HOMEZ: variants seen among roughly 807,000 people sequenced by gnomAD.
HOMEZ encodes homeobox and leucine zipper encoding, also known as homeobox and leucine zipper protein Homez.
In HOMEZ, 20 loss-of-function variants were observed where a neutral mutation model predicts 50.1. The observed-to-expected ratio is 0.40, with a 90% CI of 0.28 to 0.58. The LOEUF (loss-of-function observed/expected upper bound fraction) is 0.58, where lower values mean the gene tolerates loss of function less well. Ranked by LOEUF, HOMEZ falls within the 20% of genes least tolerant of loss-of-function variation. The pLI is 0.46. For synonymous variants in HOMEZ, 239 were observed against 254.7 expected, an observed-to-expected ratio of 0.94 and a Z score of 0.59; for missense variants, 579 against 680.5, an observed-to-expected ratio of 0.85 and a Z score of 1.66.
chr14:23,284,632 G>C (rs1489189971), intron 1 of HOMEZ, among the ~76,000 whole-genome samples: 1 of 152,106 alleles, frequency 6.6e-6, no homozygotes, highest in Admixed American at 6.5e-5. Flanking sequence ...GTTTCTTCAG[G>C]AATACTGATT....
chr14:23,275,493 T>C lies in HOMEZ; in HGVS notation c.*82A>G. On this transcript the variant is annotated 3_prime_UTR_variant, in exon 2 of 2. Coordinates refer to ENST00000357460, the MANE Select transcript of HOMEZ (RefSeq NM_020834.3). Reference sequence around the variant, plus strand: ...TTAGTTCTCTGCCACAAGGTAATTTTAAAAATGTGGTTTCTTTGTTTAAAC... The same window carrying C: ...TTAGTTCTCTGCCACAAGGTAATTTCAAAAATGTGGTTTCTTTGTTTAAAC... 1 of 1,461,004 alleles carries C rather than the reference T, an allele frequency of 6.8e-7. No homozygotes were observed. 90.5% of individuals were successfully genotyped at this position (1,461,004 alleles called of 1,614,324 possible).
intron 1 of HOMEZ, among the ~76,000 whole-genome samples, chr14:23,278,992 AT>A (rs57019278): frequency 4.7e-5 from 7 of 148,214 alleles, no homozygotes; most frequent in Admixed American, 6.8e-5. Context: ...GTTAATAACT[AT>A]TTTTTTTTTT....
intron 1 of HOMEZ, among the ~76,000 whole-genome samples, chr14:23,282,203 T>A (rs563966461): frequency 6.6e-6 from 1 of 151,756 alleles, no homozygotes; most frequent in African/African-American, 2.4e-5. Context: ...TAACATTCAC[T>A]GTTTTCAATC....
intron 1 of HOMEZ, among the ~76,000 whole-genome samples, chr14:23,282,776 C>T (rs1378108362): frequency 2.0e-5 from 3 of 152,148 alleles, no homozygotes; most frequent in African/African-American, 7.2e-5. Flanking sequence ...TTCACATTCT[C>T]GGCATCAGCT....
intron 1 of HOMEZ, among the ~76,000 whole-genome samples, chr14:23,284,630 A>C (rs1215200074): frequency 6.6e-6 from 1 of 152,198 alleles, no homozygotes; most frequent in Non-Finnish European, 1.5e-5. Flanking sequence ...TTGTTTCTTC[A>C]GGAATACTGA....
chr14:23,284,501 T>G (rs1288580549), intron 1 of HOMEZ, among the ~76,000 whole-genome samples: 1 of 152,250 alleles, frequency 6.6e-6, no homozygotes, highest in Admixed American at 6.5e-5. Context: ...TCAGTTGTCC[T>G]GTGTCCTGGG....
chr14:23,276,352 G>C lies in HOMEZ; in HGVS notation c.876C>G (p.Phe292Leu). 6.2e-7 allele frequency: 1 copy of C among 1,614,000 alleles called. No individual in the cohort carries two copies. The highest frequency in any genetic ancestry group is 8.5e-7 in the Non-Finnish European group (1 of 1,179,870). ...TPSSSSTSSS[F>L]QVLANGATAA... is the part of the protein sequence containing the mutation. ...CAGTAGCTCCATTAGCCAGTACCTG[G>C]AAAGAAGAAGAGGTAGAGGAAGAAG... Residue 292 changes from phenylalanine to leucine, a missense_variant, in exon 2 of 2, where the codon TTC becomes TTG. Phe to Leu is a conservative substitution (Grantham distance 22). Transcript: ENST00000357460. This position sits in a 1 kb window ranked among gnomAD's most constrained non-coding sequence, Gnocchi z 4.1.
chr14:23,285,863 G>A (rs768620460), intron 1 of HOMEZ, 50 bp downstream of exon 1: 25 of 1,071,612 alleles, frequency 2.3e-5, no homozygotes, highest in Non-Finnish European at 2.9e-5. Flanking sequence ...AGAGGTGGGA[G>A]ACCGTACACG....
intron 1 of HOMEZ, among the ~76,000 whole-genome samples, chr14:23,280,740 ATTAT>A (rs1291318290): frequency 4.8e-5 from 2 of 41,262 alleles, no homozygotes; most frequent in Non-Finnish European, 1.0e-4. Flanking sequence ...ATTTTATTTT[ATTAT>A]TTTATTTTAT....
At chr14:23,282,502 C>A (rs1440425808) in intron 1 of HOMEZ, among the ~76,000 whole-genome samples, 1 of 132,358 alleles carries the variant, frequency 7.6e-6, no homozygotes, top group Admixed American at 7.4e-5. Context: ...CTACCATTTA[C>A]AAATTGTGGC....
In HOMEZ at chr14:23,277,114, T is replaced by G. The variant is rs1446212429; in HGVS notation, c.114A>C (p.Pro38=). ...NKEASGLSSS[P]AGLICLPPIS... is the part of the protein sequence containing the mutation. ...TTGGAGGGAGGCAGATGAGCCCCGC[T>G]GGTGAACTACTGAGACCGCTGGCCT... The change falls in exon 2 of 2, where the codon CCA becomes CCC. Residue 38 remains proline, a synonymous_variant. Coordinates refer to ENST00000357460, the MANE Select transcript of HOMEZ (RefSeq NM_020834.3). 1 of 1,613,794 alleles carries G rather than the reference T, an allele frequency of 6.2e-7. No individual in the cohort carries two copies. Among genetic ancestry groups the G allele is most frequent in the African/African-American group, 1.3e-5 (1 of 74,932 alleles).
At position 23,280,740 on chromosome 14, in the gene HOMEZ, A is replaced by ATTTTATT. The variant is rs35341745; in HGVS notation, c.41-3554_41-3553insAATAAAA. Among the ~76,000 whole-genome samples the ATTTTATT allele has an allele frequency of 3.9e-3, 161 of 41,220 alleles. 13 individuals carry two copies. The highest frequency in any genetic ancestry group is 0.013 in the East Asian group (19 of 1,460). The allele number at this position is 41,220 out of a possible 152,430, so 27.0% of individuals were successfully genotyped here. On this transcript the variant is annotated intron_variant, in intron 1 of 1. Coordinates refer to ENST00000357460, the MANE Select transcript of HOMEZ (RefSeq NM_020834.3). ...ATTTTATTTTATTTTATTTTATTTT[A>ATTTTATT]TTATTTTATTTTATTTTATTTTATT...
At chr14:23,280,709 ATT>A (rs1031806493) in intron 1 of HOMEZ, among the ~76,000 whole-genome samples, 8 of 49,798 alleles carry the variant, frequency 1.6e-4, no homozygotes, top group East Asian at 7.6e-4. Context: ...TTATATTTTT[ATT>A]TTTATTTTAT....
chr14:23,279,407 G>A (rs1015449348), intron 1 of HOMEZ, among the ~76,000 whole-genome samples: 2 of 152,054 alleles, frequency 1.3e-5, no homozygotes, highest in Admixed American at 6.5e-5. Flanking sequence ...GGGTTAGACC[G>A]CACAGGCTAA....
At chr14:23,277,825 C>G (rs922631058) in intron 1 of HOMEZ, among the ~76,000 whole-genome samples, 4 of 150,692 alleles carry the variant, frequency 2.7e-5, no homozygotes, top group Non-Finnish European at 5.9e-5. Flanking sequence ...ATGTGTGTGT[C>G]TGTGTGTGTG....
chr14:23,280,777 T>TATTTTATTTTATTTTA (rs1566451344), intron 1 of HOMEZ, among the ~76,000 whole-genome samples: 2 of 134,626 alleles, frequency 1.5e-5, no homozygotes, highest in Non-Finnish European at 3.1e-5. Context: ...TATTTTATTT[T>TATTTTATTTTATTTTA]ATTTTATTTT....
chr14:23,282,324 T>TA (rs368083443), intron 1 of HOMEZ, among the ~76,000 whole-genome samples: 1 of 152,150 alleles, frequency 6.6e-6, no homozygotes, highest in African/African-American at 2.4e-5. Flanking sequence ...ATTTGCCACT[T>TA]AAAAAAATGT....
In HOMEZ at chr14:23,280,712, T is replaced by TA. The variant is rs1555323557; in HGVS notation, c.41-3526_41-3525insT. ...TTATTTTTATTTTTATATTTTTATTTTTATTTTATTTTATTTTATTTTATT... is the reference window on the plus strand; with the variant it reads ...TTATTTTTATTTTTATATTTTTATTTATTATTTTATTTTATTTTATTTTATT... On this transcript the variant is annotated intron_variant, in intron 1 of 1. Coordinates refer to ENST00000357460, the MANE Select transcript of HOMEZ (RefSeq NM_020834.3). Among the ~76,000 whole-genome samples, 193 of 58,232 alleles carry TA rather than the reference T, an allele frequency of 3.3e-3. 16 individuals are homozygous for TA. Among genetic ancestry groups the TA allele is most frequent in the African/African-American group, 0.013 (174 of 13,906 alleles). The allele number at this position is 58,232 out of a possible 152,430, so 38.2% of individuals were successfully genotyped here.
Position 23,273,100 on chromosome 14 carries a change from GATGTT to G in HOMEZ, c.*2470_*2474del. The G allele has an allele frequency of 2.5e-6, 1 of 401,104 alleles. No individual in the cohort carries two copies. The highest frequency in any genetic ancestry group is 2.1e-5 in the African/African-American group (1 of 48,152). The allele number at this position is 401,104 out of a possible 1,614,324, so 24.8% of individuals were successfully genotyped here. A position where few individuals can be genotyped will look rare whatever the true frequency, so the allele number is the denominator to read the frequency against. On this transcript the variant is annotated 3_prime_UTR_variant, in exon 2 of 2. Coordinates refer to ENST00000357460, the MANE Select transcript of HOMEZ (RefSeq NM_020834.3). ...TTACAAAAGGCTAGTGCTTCAGGAA[GATGTT>G]TATATCTCTTCCAGAAGACACTGGT...
Sources: gnomAD v4.1 joint callset for allele counts (sites outside exome capture counted in the v4.1 genomes callset) on GRCh38, gnomAD v4.1.1 for gene constraint, Gnocchi (gnomAD v3.1) non-coding constraint, MANE v1.5 for transcripts, NCBI Gene and HGNC (gene_info 2026-07-23, HGNC 2026-07-21) for gene names.